TMEM8B: variants seen among roughly 807,000 people sequenced by gnomAD.
TMEM8B encodes the protein transmembrane protein 8B, also known as nasopharyngeal carcinoma expressed 6.
A neutral mutation model predicts 49.3 loss-of-function variants in TMEM8B; 29 were observed. The observed-to-expected ratio is 0.59, with a 90% CI of 0.44 to 0.80. The LOEUF is 0.80. Ranked by LOEUF, TMEM8B falls within the 30% of genes least tolerant of loss-of-function variation. The pLI, the probability that TMEM8B is intolerant of heterozygous loss-of-function variation, is 0.00. For synonymous variants in TMEM8B, 264 were observed against 272.8 expected (o/e 0.97, Z 0.32); for missense variants, 575 against 658.5 (o/e 0.87, Z 1.39).
rs1832672248 is a variant in TMEM8B, at chr9:35,862,657, C to G, written c.*8817C>G. On this transcript the variant is annotated 3_prime_UTR_variant, in exon 13 of 13. Transcript: ENST00000643932. ...TGTGTGCTCCAGTCCCATCCCTCTT[C>G]TTGGGCAGTTTCTTCAGGCTGGAGT... is the stretch of plus-strand genomic sequence containing the variant. 6.6e-6 allele frequency: 1 copy of G among 152,324 alleles called. No individual in the cohort carries two copies. Among genetic ancestry groups the G allele is most frequent in the Admixed American group, 6.5e-5 (1 of 15,290 alleles). 9.4% of individuals were successfully genotyped at this position (152,324 alleles called of 1,614,324 possible).
Position 35,829,949 on chromosome 9 carries a change from GGGGCT to G in TMEM8B, c.505_508+1del. ...GTTGCTGTTCTCTGTCCTTGGCCCA[GGGGCT>G]GGTGAGTGCAGAAGCAGGGAAGATT... is the stretch of plus-strand genomic sequence containing the variant. On this transcript the variant is annotated frameshift_variant and splice_region_variant, in exon 1 of 13. Transcript: ENST00000643932. LOFTEE classifies it high-confidence loss of function. The G allele has an allele frequency of 2.4e-6, 1 of 415,946 alleles. No homozygotes were observed. Among genetic ancestry groups the G allele is most frequent in the Non-Finnish European group, 4.4e-6 (1 of 226,568 alleles). 25.8% of individuals were successfully genotyped at this position (415,946 alleles called of 1,614,324 possible).
intron 6 of TMEM8B, among the ~76,000 whole-genome samples, chr9:35,843,718 A>G (rs1181151580): frequency 6.6e-6 from 1 of 152,228 alleles, no homozygotes; most frequent in Non-Finnish European, 1.5e-5. Flanking sequence ...ATAGGATCAC[A>G]TAAAAACTTT....
intron 6 of TMEM8B, among the ~76,000 whole-genome samples, chr9:35,844,006 C>T (rs1402679713): frequency 5.3e-5 from 8 of 152,168 alleles, no homozygotes; most frequent in Admixed American, 1.3e-4. Flanking sequence ...TCAACTGATC[C>T]GCCTGCCTCG....
Position 35,856,194 on chromosome 9 carries a change from A to G in TMEM8B, c.*2354A>G, listed in dbSNP as rs1239577806. On this transcript the variant is annotated 3_prime_UTR_variant, in exon 13 of 13. Transcript: ENST00000643932. ...ATGGCATCCCTTCCCTGAGATTTTC[A>G]TCACTCCCTGTGGTCTTCAGTCAGT... The G allele has an allele frequency of 6.6e-6, 1 of 152,214 alleles. No individual in the cohort carries two copies. The highest frequency in any genetic ancestry group is 1.5e-5 in the Non-Finnish European group (1 of 68,060). The allele number at this position is 152,214 out of a possible 1,614,324, so 9.4% of individuals were successfully genotyped here.
chr9:35,829,510 G>A lies in TMEM8B; in HGVS notation c.63G>A (p.Pro21=). The A allele has an allele frequency of 5.3e-6, 1 of 188,484 alleles. No individual in the cohort carries two copies. The highest frequency in any genetic ancestry group is 8.6e-6 in the Non-Finnish European group (1 of 115,790). The allele number at this position is 188,484 out of a possible 1,614,324, so 11.7% of individuals were successfully genotyped here. ...LSQSPPWPPA[P]PSPRFPHRPQ... ...AATCCCCGCCTTGGCCCCCAGCCCC[G>A]CCCTCGCCCCGCTTCCCACATCGGC... The change falls in exon 1 of 13, where the codon CCG becomes CCA. Residue 21 remains proline (P), a synonymous_variant. Transcript: ENST00000643932.
intron 1 of TMEM8B, chr9:35,833,422 C>T (rs1830109612): frequency 1.0e-6 from 1 of 960,296 alleles, no homozygotes; most frequent in South Asian, 4.8e-5. Flanking sequence ...AGAGACCTTG[C>T]CTGCCATTTG....
At chr9:35,836,056 G>T (rs997608334) in intron 3 of TMEM8B, among the ~76,000 whole-genome samples, 4 of 152,200 alleles carry the variant, frequency 2.6e-5, no homozygotes, top group East Asian at 1.9e-4. Flanking sequence ...AAACGAGCAA[G>T]AACAGAGTGA....
At position 35,853,803 on chromosome 9, in the gene TMEM8B, C is replaced by T. The variant is rs374093862; in HGVS notation, c.2738C>T (p.Pro913Leu). The T allele has an allele frequency of 6.4e-7, 1 of 1,561,696 alleles. No homozygotes were observed. Among genetic ancestry groups the T allele is most frequent in the Non-Finnish European group, 8.7e-7 (1 of 1,155,416 alleles). ...NEQEELGLVG[P>L]GGATVSSICA... is the part of the protein sequence containing the mutation. The stretch of plus-strand genomic sequence containing the variant: ...CAGGAGGAGCTGGGCCTCGTGGGCC[C>T]AGGAGGGGCCACTGTCAGCAGCATC... The change falls in exon 13 of 13, where the codon CCA becomes CTA. Residue 913 changes from proline (P) to leucine (L), a missense_variant. Physicochemically the swap from Pro to Leu is moderately conservative, Grantham distance 98. Transcript: ENST00000643932. The surrounding 1 kb of genome is among the most constrained non-coding windows in gnomAD (Gnocchi z 4.2).
rs1004650772 is a variant in TMEM8B, at chr9:35,862,474, C to T, written c.*8634C>T. ...CCTGACTGCATTTTTCTTTATCACT[C>T]ACACCTCTAACAGTAAGACCAAGTG... On this transcript the variant is annotated 3_prime_UTR_variant, in exon 13 of 13. Coordinates refer to ENST00000643932, the MANE Select transcript of TMEM8B (RefSeq NM_001042590.4). 6.6e-6 allele frequency: 1 copy of T among 152,260 alleles called. No individual in the cohort carries two copies. Among genetic ancestry groups the T allele is most frequent in the Non-Finnish European group, 1.5e-5 (1 of 68,070 alleles). 9.4% of individuals were successfully genotyped at this position (152,260 alleles called of 1,614,324 possible). A position where few individuals can be genotyped will look rare whatever the true frequency, so the allele number is the denominator to read the frequency against.
At chr9:35,851,511 C>T (rs1832132476) in intron 10 of TMEM8B, among the ~76,000 whole-genome samples, 1 of 152,196 alleles carries the variant, frequency 6.6e-6, no homozygotes, top group Non-Finnish European at 1.5e-5. Flanking sequence ...CCATTGAGAA[C>T]TCACTTTTTC....
chr9:35,860,800 G>T lies in TMEM8B; in HGVS notation c.*6960G>T. 6.6e-6 allele frequency: 1 copy of T among 152,358 alleles called. No individual in the cohort carries two copies. The allele number at this position is 152,358 out of a possible 1,614,324, so 9.4% of individuals were successfully genotyped here. On this transcript the variant is annotated 3_prime_UTR_variant, in exon 13 of 13. Transcript: ENST00000643932. Reference sequence around the variant, plus strand: ...TTGTAGGAGAAATGATACTGACAATGATGTCACACGAGGAGGGAAGCCAGG... The same window carrying T: ...TTGTAGGAGAAATGATACTGACAATTATGTCACACGAGGAGGGAAGCCAGG...
Position 35,856,964 on chromosome 9 carries a change from C to G in TMEM8B, c.*3124C>G, listed in dbSNP as rs1832561689. 1 of 152,166 alleles carries G rather than the reference C, an allele frequency of 6.6e-6. No individual in the cohort carries two copies. Among genetic ancestry groups the G allele is most frequent in the African/African-American group, 2.4e-5 (1 of 41,456 alleles). The allele number at this position is 152,166 out of a possible 1,614,324, so 9.4% of individuals were successfully genotyped here. A position where few individuals can be genotyped will look rare whatever the true frequency, so the allele number is the denominator to read the frequency against. On this transcript the variant is annotated 3_prime_UTR_variant, in exon 13 of 13. Coordinates refer to ENST00000643932, the MANE Select transcript of TMEM8B (RefSeq NM_001042590.4). Reference sequence around the variant, plus strand: ...TCTCCAGGCTCCCAAAATGGGAATCCTTGGTTGTCTCCTGACTTGTCTCAG... The same window carrying G: ...TCTCCAGGCTCCCAAAATGGGAATCGTTGGTTGTCTCCTGACTTGTCTCAG...
Position 35,841,459 on chromosome 9 carries a change from T to A in TMEM8B, c.1041-67T>A, listed in dbSNP as rs1350776175. The A allele has an allele frequency of 4.4e-5, 18 of 412,958 alleles. No homozygotes were observed. Among genetic ancestry groups the A allele is most frequent in the Non-Finnish European group, 4.4e-6 (1 of 227,114 alleles). 25.6% of individuals were successfully genotyped at this position (412,958 alleles called of 1,614,324 possible). A position where few individuals can be genotyped will look rare whatever the true frequency, so the allele number is the denominator to read the frequency against. On this transcript the variant is annotated intron_variant, in intron 4 of 12. Transcript: ENST00000643932. This position sits in a 1 kb window ranked among gnomAD's most constrained non-coding sequence, Gnocchi z 5.9. ...CCCTATGCCCCCTCCTTCCTAGTGC[T>A]TCCCTTGCCCTGTGTTCCTCTCGCC...
chr9:35,847,106 G>C, intron 10 of TMEM8B, 111 bp downstream of exon 10: 1 of 1,614,222 alleles, frequency 6.2e-7, no homozygotes, highest in Non-Finnish European at 8.5e-7. Context: ...TGCCTTCACT[G>C]TGTCTTCTAC....
In TMEM8B at chr9:35,835,061, TC is replaced by T; in HGVS notation, c.752del (p.Pro251GlnfsTer12). 4.8e-6 allele frequency: 2 copies of T among 415,716 alleles called. No individual in the cohort carries two copies. The highest frequency in any genetic ancestry group is 8.8e-6 in the Non-Finnish European group (2 of 226,410). 25.8% of individuals were successfully genotyped at this position (415,716 alleles called of 1,614,324 possible). On this transcript the variant is annotated frameshift_variant, in exon 3 of 13. Transcript: ENST00000643932. LOFTEE classifies it high-confidence loss of function. The part of the protein sequence containing the change: ...PPVINPLHTH[F>X]PGDTAVPGVF... ...GTCATCAATCCCCTGCATACACACT[TC>T]CCAGGGGACACAGCTGTGCCTGGGG... is the stretch of plus-strand genomic sequence containing the variant.
At chr9:35,844,588 T>A (rs1204051352) in intron 6 of TMEM8B, among the ~76,000 whole-genome samples, 2 of 152,272 alleles carry the variant, frequency 1.3e-5, no homozygotes, top group East Asian at 3.8e-4. Flanking sequence ...AATCAAATTC[T>A]CTCTTTGTTC....
rs1251337212 is a variant in TMEM8B at position 35,854,759 on chromosome 9, G to A, written c.*919G>A. On this transcript the variant is annotated 3_prime_UTR_variant, in exon 13 of 13. Transcript: ENST00000643932. ...ATGCCCACACCCAACACAGAAGGAA[G>A]CCGAGGTCCCAGGAAATTGGAATAG... 6.6e-6 allele frequency: 1 copy of A among 152,156 alleles called. No homozygotes were observed. Among genetic ancestry groups the A allele is most frequent in the East Asian group, 1.9e-4 (1 of 5,192 alleles). The allele number at this position is 152,156 out of a possible 1,614,324, so 9.4% of individuals were successfully genotyped here.
chr9:35,847,159 A>T (rs1331194339), intron 10 of TMEM8B, 164 bp downstream of exon 10: 1 of 1,609,104 alleles, frequency 6.2e-7, no homozygotes, highest in Non-Finnish European at 8.5e-7. Context: ...TGCATAGATA[A>T]TGGTCATTTT....
intron 3 of TMEM8B, among the ~76,000 whole-genome samples, chr9:35,840,025 G>A (rs1830815742): frequency 6.6e-6 from 1 of 152,082 alleles, no homozygotes; most frequent in Non-Finnish European, 1.5e-5. Context: ...TTTTGTCCCA[G>A]AACAGAGTTT....
Sources: gnomAD v4.1 joint callset for allele counts (sites outside exome capture counted in the v4.1 genomes callset) on GRCh38, gnomAD v4.1.1 for gene constraint, Gnocchi (gnomAD v3.1) non-coding constraint, MANE v1.5 for transcripts, NCBI Gene and HGNC (gene_info 2026-07-23, HGNC 2026-07-21) for gene names.